The following MTHFD1L variants were observed in gnomAD, a reference collection of about 807,000 sequenced individuals.
MTHFD1L encodes monofunctional C1-tetrahydrofolate synthase, mitochondrial.
MTHFD1L carries 81 observed loss-of-function variants against 119.5 expected under a neutral mutation model. The observed-to-expected ratio is 0.68, with a 90% CI of 0.57 to 0.82. The LOEUF (loss-of-function observed/expected upper bound fraction) is 0.82, where lower values mean the gene tolerates loss of function less well. MTHFD1L is among the 40% of genes least tolerant of loss of function. The probability of loss-of-function intolerance (pLI) is 0.00; values close to 1 mark genes in which losing one functional copy is unlikely to be tolerated. For synonymous variants in MTHFD1L, 430 were observed against 475.2 expected, an observed-to-expected ratio of 0.90 and a Z score of 1.24; for missense variants, 1,125 against 1,253.4, an observed-to-expected ratio of 0.90 and a Z score of 1.55.
chr6:150,953,114 A>G (rs533709910), intron 16 of MTHFD1L, among the ~76,000 whole-genome samples: 19 of 152,124 alleles, frequency 1.2e-4, no homozygotes, highest in Admixed American at 2.6e-4. Flanking sequence ...GGAATCAACC[A>G]TCAAGTGGCT....
In MTHFD1L at chr6:150,938,729, T is replaced by C. The variant is rs1177979376; in HGVS notation, c.1424T>C (p.Val475Ala). Reference sequence around the variant, plus strand: ...GCCGCGGGTGGTGGATATGCCCAGGTCATCCCCATGGAGGAGGTAAGACCT... The same window carrying C: ...GCCGCGGGTGGTGGATATGCCCAGGCCATCCCCATGGAGGAGGTAAGACCT... ...GGAAGGGYAQVIPMEEFNLHL... is the reference protein window; with the variant it reads ...GGAAGGGYAQAIPMEEFNLHL... The change falls in exon 13 of 28, where the codon GTC becomes GCC. Residue 475 changes from valine (V) to alanine (A), a missense_variant. Physicochemically the swap from Val to Ala is moderately conservative, Grantham distance 64. Coordinates refer to ENST00000367321, the MANE Select transcript of MTHFD1L (RefSeq NM_015440.5). 2 of 1,610,428 alleles carry C rather than the reference T, an allele frequency of 1.2e-6. No individual in the cohort carries two copies. The highest frequency in any genetic ancestry group is 1.7e-6 in the Non-Finnish European group (2 of 1,178,582).
chr6:150,917,020 C>G (rs1270123276), intron 8 of MTHFD1L, among the ~76,000 whole-genome samples: 3 of 148,036 alleles, frequency 2.0e-5, no homozygotes, highest in African/African-American at 7.5e-5. Context: ...CTTGGCCTCC[C>G]AAATTGCTGG....
At chr6:150,873,130 C>A (rs1779821004) in intron 1 of MTHFD1L, among the ~76,000 whole-genome samples, 1 of 152,064 alleles carries the variant, frequency 6.6e-6, no homozygotes, top group African/African-American at 2.4e-5. Context: ...CCCTGGCCAA[C>A]TTGGTGAAAT....
At chr6:150,899,080 A>G (rs1784723646) in intron 7 of MTHFD1L, 3 of 741,352 alleles carry the variant, frequency 4.0e-6, no homozygotes, top group Non-Finnish European at 5.0e-6. Flanking sequence ...TGTCTTTTCT[A>G]GCATTTTGGA....
chr6:150,866,050 G>C lies in MTHFD1L; in HGVS notation c.227+1G>C. On this transcript the variant is annotated splice_donor_variant, in intron 1 of 27. Transcript: ENST00000367321. LOFTEE classifies it high-confidence loss of function. ...CCGCGGCGCGGGACTCCATCGTCAG[G>C]TGAGTGTCGGGTCTGGCCCTGGCCC... The C allele has an allele frequency of 6.8e-7, 1 of 1,470,514 alleles. No homozygotes were observed. Among genetic ancestry groups the C allele is most frequent in the African/African-American group, 1.5e-5 (1 of 68,046 alleles). 91.1% of individuals were successfully genotyped at this position (1,470,514 alleles called of 1,614,324 possible).
At chr6:151,001,173 A>G (rs1780561430) in intron 20 of MTHFD1L, among the ~76,000 whole-genome samples, 1 of 152,166 alleles carries the variant, frequency 6.6e-6, no homozygotes, top group African/African-American at 2.4e-5. Context: ...TATGTTGTAT[A>G]TTTGATATAT....
intron 20 of MTHFD1L, among the ~76,000 whole-genome samples, chr6:151,009,356 AACC>A (rs1781894456): frequency 1.3e-5 from 2 of 151,950 alleles, no homozygotes; most frequent in Admixed American, 1.3e-4. Flanking sequence ...AACATGGTGA[AACC>A]CCATCTCTAC....
At chr6:150,879,624 G>GTTTTTTT (rs551381943) in intron 4 of MTHFD1L, among the ~76,000 whole-genome samples, 2 of 107,898 alleles carry the variant, frequency 1.9e-5, no homozygotes, top group African/African-American at 3.8e-5. Context: ...TGCCACTGGT[G>GTTTTTTT]TTTTTTTTTT....
chr6:151,069,574 C>G (rs1791730660), intron 26 of MTHFD1L, among the ~76,000 whole-genome samples: 1 of 152,190 alleles, frequency 6.6e-6, no homozygotes, highest in South Asian at 2.1e-4. Context: ...AGAAAGTGCT[C>G]CCATTGCATT....
Position 151,037,002 on chromosome 6 carries a change from A to C in MTHFD1L, c.2732A>C (p.His911Pro). Residue 911 changes from histidine (H) to proline (P), a missense_variant, in exon 26 of 28, where the codon CAC becomes CCC. His to Pro is a moderately conservative substitution (Grantham distance 77). Coordinates refer to ENST00000367321, the MANE Select transcript of MTHFD1L (RefSeq NM_015440.5). ...TTGCCCATCTGCATGGCAAAGACCC[A>C]CCTTTCTCTATCTCACCAACCTGAC... ...GNLPICMAKT[H>P]LSLSHQPDKK... 4 of 1,611,946 alleles carry C rather than the reference A, an allele frequency of 2.5e-6. No homozygotes were observed. Among genetic ancestry groups the C allele is most frequent in the Non-Finnish European group, 3.4e-6 (4 of 1,179,848 alleles).
intron 1 of MTHFD1L, among the ~76,000 whole-genome samples, chr6:150,875,158 C>G (rs1350978842): frequency 6.6e-6 from 1 of 151,940 alleles, no homozygotes; most frequent in Non-Finnish European, 1.5e-5. Flanking sequence ...TGGGCTCAAG[C>G]GGTCCTCCAG....
intron 20 of MTHFD1L, among the ~76,000 whole-genome samples, chr6:150,998,989 T>TAAAAAA (rs201806937): frequency 6.8e-6 from 1 of 147,836 alleles, no homozygotes; most frequent in African/African-American, 2.5e-5. Flanking sequence ...GACCCTGTCT[T>TAAAAAA]AAAAAAATAT....
At chr6:151,029,436 A>G (rs1396964613) in intron 24 of MTHFD1L, among the ~76,000 whole-genome samples, 1 of 151,190 alleles carries the variant, frequency 6.6e-6, no homozygotes, top group Non-Finnish European at 1.5e-5. Context: ...AAATAAATAA[A>G]TAATATATAT....
chr6:150,893,443 C>T (rs1783680469), intron 7 of MTHFD1L, among the ~76,000 whole-genome samples: 2 of 151,860 alleles, frequency 1.3e-5, no homozygotes, highest in Non-Finnish European at 2.9e-5. Flanking sequence ...TTTAACTTCT[C>T]CTTATTGGCA....
rs948299663 is a variant in MTHFD1L, at chr6:151,031,031, T to A, written c.2587-3462T>A. On this transcript the variant is annotated intron_variant, in intron 24 of 27. Coordinates refer to ENST00000367321, the MANE Select transcript of MTHFD1L (RefSeq NM_015440.5). ...CCTCATCTCTACCAAAAATAAATTT[T>A]AAAAAAAGTTACCCTTAAATTTCTT... 3.9e-5 allele frequency among the ~76,000 whole-genome samples: 6 copies of A among 152,094 alleles called. No individual in the cohort carries two copies. In the South Asian group the frequency reaches 8.3e-4, roughly 21 times the overall value.
At position 151,046,388 on chromosome 6, in the gene MTHFD1L, A is replaced by AT. The variant is rs1788009434; in HGVS notation, c.2847+9277dup. Reference sequence around the variant, plus strand: ...CCTAAAATCAGCATATTGATCTATTATTTTTTCTAGGTATTGATGAGATGT... The same window carrying AT: ...CCTAAAATCAGCATATTGATCTATTATTTTTTTCTAGGTATTGATGAGATGT... On this transcript the variant is annotated intron_variant, in intron 26 of 27. Coordinates refer to ENST00000367321, the MANE Select transcript of MTHFD1L (RefSeq NM_015440.5). 2.7e-5 allele frequency among the ~76,000 whole-genome samples: 4 copies of AT among 146,168 alleles called. No homozygotes were observed. In the South Asian group the frequency reaches 8.6e-4, roughly 31 times the overall value.
chr6:151,082,779 G>C (rs1793329176), intron 26 of MTHFD1L, among the ~76,000 whole-genome samples: 1 of 151,972 alleles, frequency 6.6e-6, no homozygotes, highest in Admixed American at 6.6e-5. Flanking sequence ...TGTAGTTATA[G>C]ATAAAGAACG....
At chr6:151,003,698 C>T (rs188354725) in intron 20 of MTHFD1L, among the ~76,000 whole-genome samples, 260 of 152,262 alleles carry the variant, frequency 1.7e-3, no homozygotes, top group Admixed American at 4.2e-3. Flanking sequence ...AGACACTAGG[C>T]ACAATCGTAG....
At position 151,012,104 on chromosome 6, in the gene MTHFD1L, A is replaced by G. The variant is rs888910722; in HGVS notation, c.2266-1675A>G. On this transcript the variant is annotated intron_variant, in intron 21 of 27. Coordinates refer to ENST00000367321, the MANE Select transcript of MTHFD1L (RefSeq NM_015440.5). The stretch of plus-strand genomic sequence containing the variant: ...GCTAGGCATCCCTCTCCTGGGCTCC[A>G]GTAGTACCTTCTGCCTCACATTGTT... Among the ~76,000 whole-genome samples the G allele has an allele frequency of 2.0e-5, 3 of 148,572 alleles. No homozygotes were observed. The Admixed American group carries it at 2.0e-4, about 10-fold the overall frequency.
Sources: allele counts gnomAD v4.1 joint callset (sites outside exome capture counted in the v4.1 genomes callset), GRCh38; gene constraint gnomAD v4.1.1; transcripts MANE v1.5; gene names NCBI Gene and HGNC (gene_info 2026-07-23, HGNC 2026-07-21).